CACNA1D: variants seen among roughly 807,000 people sequenced by gnomAD.
CACNA1D encodes the protein voltage-dependent L-type calcium channel subunit alpha-1D.
Under a neutral mutation model 257.1 loss-of-function variants are expected in CACNA1D, and 55 were observed. The ratio of observed to expected loss-of-function variants is 0.21; its 90% CI spans 0.17 to 0.27. CACNA1D has a LOEUF of 0.27. CACNA1D is among the 10% of genes least tolerant of loss of function. CACNA1D has a pLI of 1.00. For missense variants in CACNA1D, 1,876 were observed against 2,784.0 expected (o/e 0.67, Z 7.34); for synonymous variants, 980 against 1,014.9 (o/e 0.97, Z 0.65).
At chr3:53,520,537 G>A (rs1273836714) in intron 3 of CACNA1D, among the ~76,000 whole-genome samples, 4 of 152,190 alleles carry the variant, frequency 2.6e-5, no homozygotes, top group Non-Finnish European at 5.9e-5. Flanking sequence ...AGGCCAAGGC[G>A]GGTCGGTCAC....
intron 3 of CACNA1D, among the ~76,000 whole-genome samples, chr3:53,560,301 T>A (rs2092715778): frequency 6.6e-6 from 1 of 152,144 alleles, no homozygotes; most frequent in African/African-American, 2.4e-5. Flanking sequence ...ATTCTTCATG[T>A]TTTCTGTCTA....
chr3:53,754,081 A>T (rs113485759), intron 29 of CACNA1D, among the ~76,000 whole-genome samples: 210 of 152,376 alleles, frequency 1.4e-3, no homozygotes, highest in Non-Finnish European at 2.3e-3. Flanking sequence ...ACTTTCAGAT[A>T]TCTAGTCTAA....
intron 3 of CACNA1D, among the ~76,000 whole-genome samples, chr3:53,561,746 T>C (rs773573931): frequency 6.8e-4 from 104 of 152,244 alleles, no homozygotes; most frequent in Admixed American, 8.5e-4. Flanking sequence ...AAGTCGGTGA[T>C]AAATGCTTGA....
chr3:53,615,840 C>T (rs2107994681), intron 3 of CACNA1D, among the ~76,000 whole-genome samples: 1 of 152,354 alleles, frequency 6.6e-6, no homozygotes, highest in Admixed American at 6.5e-5. Context: ...AGGGCAGCCA[C>T]TTCTGGGTGA....
At chr3:53,800,000 G>A (rs1245747291) in intron 40 of CACNA1D, 3 of 557,990 alleles carry the variant, frequency 5.4e-6, no homozygotes, top group Non-Finnish European at 6.5e-6. Context: ...TTGGAAGTGG[G>A]GGTTTTGCAA....
intron 3 of CACNA1D, among the ~76,000 whole-genome samples, chr3:53,607,138 T>C (rs1447679892): frequency 6.6e-6 from 1 of 152,232 alleles, no homozygotes; most frequent in Non-Finnish European, 1.5e-5. Flanking sequence ...TTTATATAGG[T>C]GTTTGTGTAC....
intron 30 of CACNA1D, among the ~76,000 whole-genome samples, chr3:53,768,872 C>T (rs978672752): frequency 2.6e-5 from 4 of 152,184 alleles, no homozygotes; most frequent in Admixed American, 6.5e-5. Context: ...CACATCCAGA[C>T]GTGCACACAT....
intron 3 of CACNA1D, among the ~76,000 whole-genome samples, chr3:53,625,350 A>G (rs1430510641): frequency 1.3e-5 from 2 of 152,172 alleles, no homozygotes; most frequent in African/African-American, 2.4e-5. Flanking sequence ...AGGTATTCCC[A>G]CTGTGTCTCC....
intron 4 of CACNA1D, among the ~76,000 whole-genome samples, chr3:53,653,750 G>C (rs560518083): frequency 6.6e-6 from 1 of 152,090 alleles, no homozygotes; most frequent in Admixed American, 6.5e-5. Context: ...CTCAGAAGGA[G>C]AGGAGAGAAA....
At chr3:53,718,644 ATG>A in intron 10 of CACNA1D, 1 of 1,469,186 alleles carries the variant, frequency 6.8e-7, no homozygotes, top group Non-Finnish European at 9.1e-7. Context: ...CCCGTGAAGA[ATG>A]TGGTGGTTAA....
At chr3:53,542,912 C>T (rs1449255812) in intron 3 of CACNA1D, among the ~76,000 whole-genome samples, 2 of 151,606 alleles carry the variant, frequency 1.3e-5, no homozygotes. Flanking sequence ...ATCAGCTGGG[C>T]GTGGTGGCGC....
At chr3:53,645,692 G>A (rs896157353) in intron 3 of CACNA1D, among the ~76,000 whole-genome samples, 1 of 152,122 alleles carries the variant, frequency 6.6e-6, no homozygotes, top group Non-Finnish European at 1.5e-5. Flanking sequence ...AATTTCTATT[G>A]TGAATTACGG....
intron 3 of CACNA1D, among the ~76,000 whole-genome samples, chr3:53,629,266 G>A (rs927599217): frequency 2.6e-5 from 4 of 152,178 alleles, no homozygotes; most frequent in African/African-American, 7.2e-5. Flanking sequence ...AGCCCAAGAT[G>A]GTAGCTTTGC....
intron 26 of CACNA1D, among the ~76,000 whole-genome samples, chr3:53,747,998 G>A (rs559356134): frequency 6.6e-6 from 1 of 152,306 alleles, no homozygotes; most frequent in East Asian, 1.9e-4. Context: ...GGCATGTTAG[G>A]CACTGTGGAG....
chr3:53,515,307 G>C (rs2091288223), intron 3 of CACNA1D, among the ~76,000 whole-genome samples: 1 of 152,114 alleles, frequency 6.6e-6, no homozygotes, highest in Non-Finnish European at 1.5e-5. Flanking sequence ...GCTCAGAAGA[G>C]GAAATAAAGC....
intron 3 of CACNA1D, among the ~76,000 whole-genome samples, chr3:53,530,967 C>G (rs1377524361): frequency 6.6e-6 from 1 of 151,932 alleles, no homozygotes; most frequent in Non-Finnish European, 1.5e-5. Flanking sequence ...CCTACCTCAG[C>G]CTCCCGAGTA....
At chr3:53,734,694 C>T (rs2095040601) in intron 19 of CACNA1D, among the ~76,000 whole-genome samples, 1 of 152,156 alleles carries the variant, frequency 6.6e-6, no homozygotes, top group Non-Finnish European at 1.5e-5. Flanking sequence ...TGAGAACTCT[C>T]ATGCCGGGCC....
At chr3:53,709,476 A>G (rs1008987993) in intron 9 of CACNA1D, among the ~76,000 whole-genome samples, 1 of 152,136 alleles carries the variant, frequency 6.6e-6, no homozygotes, top group African/African-American at 2.4e-5. Context: ...GTGGGAGAGG[A>G]TACAAGAAAA....
At chr3:53,725,320 G>A (rs1338863078) in intron 14 of CACNA1D, among the ~76,000 whole-genome samples, 1 of 152,140 alleles carries the variant, frequency 6.6e-6, no homozygotes, top group Admixed American at 6.5e-5. Flanking sequence ...CCATGCGGTG[G>A]TAGATGTGCC....
Sources: allele counts gnomAD v4.1 joint callset (sites outside exome capture counted in the v4.1 genomes callset), GRCh38; gene constraint gnomAD v4.1.1; transcripts MANE v1.5; gene names NCBI Gene and HGNC (gene_info 2026-07-23, HGNC 2026-07-21).